The following CDH13 variants were observed in gnomAD, a reference collection of about 807,000 sequenced individuals.
The protein encoded by CDH13 is cadherin 13.
In CDH13, 24 loss-of-function variants were observed where a neutral mutation model predicts 63.8. The ratio of observed to expected loss-of-function variants is 0.38; its 90% CI spans 0.27 to 0.53. CDH13 has a LOEUF of 0.53. CDH13 is among the 20% of genes least tolerant of loss of function. CDH13 has a pLI of 0.85. For synonymous variants in CDH13, 503 were observed against 355.3 expected, an observed-to-expected ratio of 1.42 and a Z score of -4.67; for missense variants, 1,049 against 903.1, an observed-to-expected ratio of 1.16 and a Z score of -2.07.
intron 10 of CDH13, among the ~76,000 whole-genome samples, chr16:83,703,128 A>G (rs1906499132): frequency 1.3e-5 from 2 of 152,218 alleles, no homozygotes; most frequent in South Asian, 2.1e-4. Context: ...CCAAGGAAAC[A>G]TATTGTATTG....
chr16:83,524,999 A>G (rs538603355), intron 7 of CDH13, among the ~76,000 whole-genome samples: 1 of 152,324 alleles, frequency 6.6e-6, no homozygotes, highest in African/African-American at 2.4e-5. Context: ...TTGGACAAAA[A>G]ACTTAATTTT....
At chr16:83,120,423 C>T (rs1355027672) in intron 3 of CDH13, among the ~76,000 whole-genome samples, 1 of 152,172 alleles carries the variant, frequency 6.6e-6, no homozygotes, top group Non-Finnish European at 1.5e-5. Context: ...ATTCATGACA[C>T]TCTATGCAAG....
intron 1 of CDH13, among the ~76,000 whole-genome samples, chr16:82,836,800 CAT>C (rs79661605): frequency 0.12 from 18,165 of 152,142 alleles, 1,336 homozygotes; most frequent in African/African-American, 0.2. Flanking sequence ...CATTTCTACC[CAT>C]AGTCATTCTA....
At chr16:82,911,779 A>T (rs1323284836) in intron 2 of CDH13, among the ~76,000 whole-genome samples, 1 of 151,998 alleles carries the variant, frequency 6.6e-6, no homozygotes, top group African/African-American at 2.4e-5. Flanking sequence ...CCTCACACCT[A>T]TGCCCCAGGC....
chr16:82,994,326 C>A (rs376656401), intron 2 of CDH13, among the ~76,000 whole-genome samples: 27 of 152,284 alleles, frequency 1.8e-4, no homozygotes, highest in African/African-American at 6.3e-4. Context: ...CTGGCCCTTG[C>A]ATTAGACTGC....
chr16:82,834,465 C>T (rs917367889), intron 1 of CDH13, among the ~76,000 whole-genome samples: 1 of 152,046 alleles, frequency 6.6e-6, no homozygotes, highest in Non-Finnish European at 1.5e-5. Flanking sequence ...AAGTTTCCCC[C>T]TCTAAAAAAA....
At chr16:82,906,519 T>G (rs1313585707) in intron 2 of CDH13, among the ~76,000 whole-genome samples, 1 of 152,194 alleles carries the variant, frequency 6.6e-6, no homozygotes, top group Non-Finnish European at 1.5e-5. Context: ...CTGGGGAGAA[T>G]GGACTGTGAC....
Position 83,799,785 on chromosome 16 carries a change from C to A in CDH13, c.*4755C>A, listed in dbSNP as rs529755026. ...CTTTTACTATATGCAATGTGTTACC[C>A]TTACTATATTTCCTATTGCTAATAG... On this transcript the variant is annotated 3_prime_UTR_variant, in exon 14 of 14. Coordinates refer to ENST00000567109, the MANE Select transcript of CDH13 (RefSeq NM_001257.5). 3 of 152,236 alleles carry A rather than the reference C, an allele frequency of 2.0e-5. No individual in the cohort carries two copies. Among genetic ancestry groups the A allele is most frequent in the African/African-American group, 7.2e-5 (3 of 41,528 alleles). The allele number at this position is 152,236 out of a possible 1,614,324, so 9.4% of individuals were successfully genotyped here. A position where few individuals can be genotyped will look rare whatever the true frequency, so the allele number is the denominator to read the frequency against.
intron 3 of CDH13, among the ~76,000 whole-genome samples, chr16:83,102,351 G>T (rs1160151031): frequency 6.6e-6 from 1 of 152,220 alleles, no homozygotes; most frequent in Non-Finnish European, 1.5e-5. Context: ...CAGCAATTCT[G>T]TGGCTATCTG....
intron 6 of CDH13, among the ~76,000 whole-genome samples, chr16:83,429,423 C>T (rs560664258): frequency 6.6e-6 from 1 of 152,168 alleles, no homozygotes; most frequent in South Asian, 2.1e-4. Context: ...GGATTTTATT[C>T]ATTATCATGT....
intron 4 of CDH13, among the ~76,000 whole-genome samples, chr16:83,198,126 A>T (rs1477326456): frequency 6.6e-6 from 1 of 152,140 alleles, no homozygotes; most frequent in African/African-American, 2.4e-5. Context: ...CTTTTACTTT[A>T]CTTTCTCTGC....
intron 2 of CDH13, among the ~76,000 whole-genome samples, chr16:82,936,137 C>CTG (rs1468482280): frequency 6.6e-6 from 1 of 152,186 alleles, no homozygotes; most frequent in Admixed American, 6.5e-5. Flanking sequence ...GAAGACGGAG[C>CTG]TGCCATCTTG....
intron 1 of CDH13, among the ~76,000 whole-genome samples, chr16:82,771,140 A>C (rs1052665153): frequency 6.6e-6 from 1 of 152,186 alleles, no homozygotes; most frequent in African/African-American, 2.4e-5. Flanking sequence ...TTGCAAACAT[A>C]ATTTTTAACA....
chr16:82,924,812 T>A (rs546940400), intron 2 of CDH13, among the ~76,000 whole-genome samples: 4 of 152,242 alleles, frequency 2.6e-5, no homozygotes, highest in South Asian at 4.2e-4. Flanking sequence ...CCAGCTAACA[T>A]CTAGAATTTT....
intron 3 of CDH13, among the ~76,000 whole-genome samples, chr16:83,100,852 G>GGATGCAA (rs2034441382): frequency 6.6e-6 from 1 of 152,066 alleles, no homozygotes; most frequent in African/African-American, 2.4e-5. Flanking sequence ...ACTTCCTGCA[G>GGATGCAA]GGACTTTTGT....
chr16:82,648,679 T>C (rs1299799877), intron 1 of CDH13, among the ~76,000 whole-genome samples: 1 of 152,192 alleles, frequency 6.6e-6, no homozygotes, highest in Non-Finnish European at 1.5e-5. Context: ...TCAGAGTTGT[T>C]TTTTCCCCTC....
chr16:83,090,323 C>T (rs142186252), intron 3 of CDH13, among the ~76,000 whole-genome samples: 1 of 152,102 alleles, frequency 6.6e-6, no homozygotes. Flanking sequence ...TGCCTGTAAT[C>T]CCAGCACTTT....
intron 10 of CDH13, among the ~76,000 whole-genome samples, chr16:83,701,195 C>T (rs562153328): frequency 6.6e-6 from 1 of 152,078 alleles, no homozygotes; most frequent in Admixed American, 6.5e-5. Flanking sequence ...ATGGCTGAAA[C>T]GACTGAGCCA....
Position 83,663,387 on chromosome 16 carries a change from G to A in CDH13, c.1102-7403G>A, listed in dbSNP as rs959614135. 2.2e-4 allele frequency among the ~76,000 whole-genome samples: 33 copies of A among 152,160 alleles called. 1 individual carries two copies. Among genetic ancestry groups the A allele is most frequent in the Non-Finnish European group, 4.4e-5 (3 of 68,026 alleles). On this transcript the variant is annotated intron_variant, in intron 8 of 13. Transcript: ENST00000567109. The stretch of plus-strand genomic sequence containing the variant: ...AAGAAATATTCTAATTTGCCATTTA[G>A]AAATTATATAATCTCTGTCATTTGG...
Sources: allele counts gnomAD v4.1 joint callset (sites outside exome capture counted in the v4.1 genomes callset), GRCh38; gene constraint gnomAD v4.1.1; transcripts MANE v1.5; gene names NCBI Gene and HGNC (gene_info 2026-07-23, HGNC 2026-07-21).